Variants in TMC2 observed in about 807,000 individuals in gnomAD.
TMC2 encodes transmembrane channel like 2, also known as transmembrane channel-like protein 2.
TMC2 carries 102 observed loss-of-function variants against 105.9 expected under a neutral mutation model. The observed-to-expected ratio is 0.96, with a 90% CI of 0.82 to 1.14. TMC2 has a LOEUF of 1.14. TMC2 is among the 50% of genes most tolerant of loss of function. TMC2 has a pLI of 0.00. For synonymous variants in TMC2, 402 were observed against 422.8 expected, an observed-to-expected ratio of 0.95 and a Z score of 0.60; for missense variants, 1,093 against 1,134.3, an observed-to-expected ratio of 0.96 and a Z score of 0.52.
At chr20:2,621,276 C>G (rs185511414) in intron 16 of TMC2, among the ~76,000 whole-genome samples, 1 of 151,476 alleles carries the variant, frequency 6.6e-6, no homozygotes, top group Non-Finnish European at 1.5e-5. Flanking sequence ...GCAGGAGAAT[C>G]GCTTGAACCC....
At chr20:2,544,842 A>C (rs966807888) in intron 2 of TMC2, among the ~76,000 whole-genome samples, 1 of 152,138 alleles carries the variant, frequency 6.6e-6, no homozygotes, top group Non-Finnish European at 1.5e-5. Flanking sequence ...GGAAGATCAC[A>C]TGAGGCCAGG....
At position 2,594,843 on chromosome 20, in the gene TMC2, G is replaced by A; in HGVS notation, c.952G>A (p.Ala318Thr). ...WDFEGYIKYSALFYGYYNNQR... is the reference protein window; with the variant it reads ...WDFEGYIKYSTLFYGYYNNQR... ...CCCCCAGGGCTATATCAAGTACTCT[G>A]CACTCTTCTATGGCTACTACAACAA... The change falls in exon 9 of 20, where the codon GCA (alanine) becomes ACA (threonine). Residue 318 changes from alanine to threonine, a missense_variant. Transcript: ENST00000358864. 6.2e-7 allele frequency: 1 copy of A among 1,614,150 alleles called. No homozygotes were observed. The highest frequency in any genetic ancestry group is 8.5e-7 in the Non-Finnish European group (1 of 1,180,006).
In TMC2 at chr20:2,635,969, C is replaced by T. The variant is rs752569574; in HGVS notation, c.2350C>T (p.Arg784Ter). ...YLNSVSKSLS[R>*]ANAQLRKKIQ... ...GAACTCAGTTTCCAAAAGCCTTTCC[C>T]GAGCTAATGCCCAGCTGAGGAAGAA... The change falls in exon 18 of 20, where the codon CGA (arginine) becomes TGA (stop). Residue 784 changes from arginine to a stop codon, truncating the protein, a stop_gained. Coordinates refer to ENST00000358864, the MANE Select transcript of TMC2 (RefSeq NM_080751.3). LOFTEE classifies it high-confidence loss of function. 14 of 1,614,120 alleles carry T rather than the reference C, an allele frequency of 8.7e-6. No homozygotes were observed. The highest frequency in any genetic ancestry group is 6.6e-5 in the South Asian group (6 of 91,074).
intron 2 of TMC2, among the ~76,000 whole-genome samples, chr20:2,555,350 G>T (rs566777945): frequency 2.0e-5 from 3 of 152,046 alleles, no homozygotes. Context: ...CAAAGTGCTG[G>T]GATTACAGGC....
intron 14 of TMC2, among the ~76,000 whole-genome samples, chr20:2,615,192 C>T (rs546294374): frequency 1.6e-3 from 248 of 152,136 alleles, no homozygotes; most frequent in Admixed American, 3.3e-3. Context: ...CATGGTGCTG[C>T]ACACCTGTAA....
chr20:2,596,418 G>C (rs965464110), intron 9 of TMC2, among the ~76,000 whole-genome samples: 8 of 152,266 alleles, frequency 5.3e-5, no homozygotes, highest in African/African-American at 1.7e-4. Flanking sequence ...GATCACCTGA[G>C]GTCAGGAGTT....
rs901739330 is a variant in TMC2 at position 2,610,291 on chromosome 20, C to T, written c.1414-128C>T. The T allele has an allele frequency of 9.3e-6, 8 of 856,062 alleles. No individual in the cohort carries two copies. In the Admixed American group the frequency reaches 1.9e-4, roughly 20 times the overall value. 53.0% of individuals were successfully genotyped at this position (856,062 alleles called of 1,614,324 possible). A position where few individuals can be genotyped will look rare whatever the true frequency, so the allele number is the denominator to read the frequency against. ...GGTCACACAGCAAGCTGTGTAGACC[C>T]CAGGGCATCTCCAGGCGCAGCAGAG... On this transcript the variant is annotated intron_variant, in intron 11 of 19. Coordinates refer to ENST00000358864, the MANE Select transcript of TMC2 (RefSeq NM_080751.3).
chr20:2,560,363 A>G (rs556778331), intron 3 of TMC2, among the ~76,000 whole-genome samples: 1 of 152,266 alleles, frequency 6.6e-6, no homozygotes, highest in South Asian at 2.1e-4. Flanking sequence ...CAGAAGCTAA[A>G]ACACCCAGAG....
chr20:2,588,685 G>A (rs2086247103), intron 7 of TMC2, among the ~76,000 whole-genome samples: 1 of 135,516 alleles, frequency 7.4e-6, no homozygotes, highest in African/African-American at 2.8e-5. Flanking sequence ...GCCTTTGCAT[G>A]TGTCTTTGTG....
intron 8 of TMC2, among the ~76,000 whole-genome samples, 189 bp from the exon 9 acceptor site, chr20:2,594,636 G>A (rs981045695): frequency 1.3e-5 from 2 of 152,194 alleles, no homozygotes; most frequent in Non-Finnish European, 2.9e-5. Flanking sequence ...GAGAAAGAAG[G>A]GGAGATATGG....
intron 7 of TMC2, among the ~76,000 whole-genome samples, chr20:2,582,043 G>A (rs1301433352): frequency 3.3e-5 from 5 of 152,062 alleles, no homozygotes; most frequent in African/African-American, 1.2e-4. Context: ...AAGGGAAGAA[G>A]GGAAATAGGG....
At chr20:2,617,447 A>AT in intron 16 of TMC2, 136 bp downstream of exon 16, 1 of 1,163,404 alleles carries the variant, frequency 8.6e-7, no homozygotes, top group South Asian at 1.5e-5. Context: ...CACCGATGCC[A>AT]TTTAAGAGGG....
chr20:2,596,584 G>A (rs1175789910), intron 9 of TMC2, among the ~76,000 whole-genome samples: 7 of 147,150 alleles, frequency 4.8e-5, no homozygotes, highest in Non-Finnish European at 8.9e-5. Context: ...AGTGAGCCAA[G>A]ATCAGGCCAC....
rs184373363 is a variant in TMC2, at chr20:2,629,275, T to C, written c.2306+4879T>C. 1.3e-4 allele frequency among the ~76,000 whole-genome samples: 20 copies of C among 152,266 alleles called. No homozygotes were observed. In the East Asian group the frequency reaches 3.9e-3, roughly 29 times the overall value. On this transcript the variant is annotated intron_variant, in intron 17 of 19. Transcript: ENST00000358864. ...TTCTCTGTAGGATTAATTAGTACCTTCCATGGGAAAAACAAGTTAATTAAT... is the reference window on the plus strand; with the variant it reads ...TTCTCTGTAGGATTAATTAGTACCTCCCATGGGAAAAACAAGTTAATTAAT...
chr20:2,566,155 C>T (rs969653285), intron 4 of TMC2, among the ~76,000 whole-genome samples: 2 of 152,186 alleles, frequency 1.3e-5, no homozygotes, highest in African/African-American at 4.8e-5. Context: ...TACCCAATCC[C>T]TCTCAGGGTC....
chr20:2,606,970 C>T (rs1460215980), intron 11 of TMC2, among the ~76,000 whole-genome samples: 3 of 136,012 alleles, frequency 2.2e-5, no homozygotes, highest in Non-Finnish European at 3.1e-5. Context: ...TGTTTTGTGA[C>T]CTATATTTTC....
chr20:2,607,064 A>C (rs948260369), intron 11 of TMC2, among the ~76,000 whole-genome samples: 3 of 151,784 alleles, frequency 2.0e-5, no homozygotes, highest in Admixed American at 2.0e-4. Context: ...GTGCGTTTTC[A>C]TTATCTGAAA....
intron 9 of TMC2, among the ~76,000 whole-genome samples, chr20:2,595,235 G>A (rs920384809): frequency 1.3e-5 from 2 of 152,218 alleles, no homozygotes; most frequent in African/African-American, 2.4e-5. Flanking sequence ...TTAGACAAAA[G>A]AAGAGCATGT....
intron 17 of TMC2, among the ~76,000 whole-genome samples, 156 bp downstream of exon 17, chr20:2,624,552 G>A (rs963092330): frequency 1.3e-5 from 2 of 152,182 alleles, no homozygotes; most frequent in South Asian, 4.1e-4. Flanking sequence ...TATTAGGGAG[G>A]GGGTGAGGAC....
Sources: allele counts gnomAD v4.1 joint callset (sites outside exome capture counted in the v4.1 genomes callset), GRCh38; gene constraint gnomAD v4.1.1; transcripts MANE v1.5; gene names NCBI Gene and HGNC (gene_info 2026-07-23, HGNC 2026-07-21).